TTBK2: variants seen among roughly 807,000 people sequenced by gnomAD.
The protein encoded by TTBK2 is tau tubulin kinase 2, also known as tau-tubulin kinase 2.
A neutral mutation model predicts 110.8 loss-of-function variants in TTBK2; 28 were observed. The ratio of observed to expected loss-of-function variants is 0.25; its 90% CI spans 0.19 to 0.35. The LOEUF (loss-of-function observed/expected upper bound fraction) is 0.35, where lower values mean the gene tolerates loss of function less well. Ranked by LOEUF, TTBK2 falls within the 10% of genes least tolerant of loss-of-function variation. TTBK2 has a pLI of 1.00. For missense variants in TTBK2, 1,369 were observed against 1,500.3 expected (o/e 0.91, Z 1.45); for synonymous variants, 532 against 527.3 (o/e 1.01, Z -0.12).
intron 9 of TTBK2, among the ~76,000 whole-genome samples, chr15:42,799,440 T>C (rs531860177): frequency 2.3e-4 from 35 of 151,806 alleles, no homozygotes; most frequent in Admixed American, 6.6e-4. Context: ...TTTTGTTTGT[T>C]TGTTTGTTTT....
chr15:42,810,712 A>C lies in TTBK2; in HGVS notation c.724T>G (p.Tyr242Asp), dbSNP rs1441987753. The C allele has an allele frequency of 2.5e-6, 4 of 1,613,868 alleles. No homozygotes were observed. In the African/African-American group the frequency reaches 4.0e-5, roughly 16 times the overall value. The change falls in exon 9 of 15, where the codon TAT becomes GAT. Residue 242 changes from tyrosine (Y) to aspartate (D), a missense_variant. By Grantham distance (160) the Tyr-to-Asp change is radical. Coordinates refer to ENST00000267890, the MANE Select transcript of TTBK2 (RefSeq NM_173500.4). The stretch of plus-strand genomic sequence containing the variant: ...TGTTTCAACATGAGCCTGTGGTCAT[A>C]TCTCTCCTTAATAGAGCCTACTTGC... ...KEQVGSIKER[Y>D]DHRLMLKHLP...
chr15:42,834,784 G>A (rs1424918792), intron 4 of TTBK2, among the ~76,000 whole-genome samples: 2 of 152,092 alleles, frequency 1.3e-5, no homozygotes, highest in African/African-American at 2.4e-5. Flanking sequence ...GGTTGAGGCA[G>A]GAGAATCGCT....
intron 4 of TTBK2, among the ~76,000 whole-genome samples, chr15:42,838,207 A>G (rs1893073713): frequency 1.4e-5 from 2 of 147,182 alleles, no homozygotes; most frequent in African/African-American, 5.2e-5. Flanking sequence ...ACTCTGTCTC[A>G]AAAAATAAAA....
chr15:42,895,874 C>T (rs1217791140), intron 1 of TTBK2, among the ~76,000 whole-genome samples: 1 of 151,976 alleles, frequency 6.6e-6, no homozygotes, highest in Admixed American at 6.6e-5. Context: ...AATCCCAGAA[C>T]ATTTTCACCA....
intron 4 of TTBK2, among the ~76,000 whole-genome samples, chr15:42,837,657 C>CAAAA (rs35898464): frequency 5.0e-5 from 2 of 40,014 alleles, no homozygotes; most frequent in Admixed American, 2.8e-4. Flanking sequence ...GACTCTGTCT[C>CAAAA]AAAAAAAAAA....
chr15:42,854,404 T>C (rs1893848788), intron 3 of TTBK2, among the ~76,000 whole-genome samples: 1 of 152,220 alleles, frequency 6.6e-6, no homozygotes, highest in Non-Finnish European at 1.5e-5. Context: ...TTTAATGTCA[T>C]TGAGAGGTTC....
At chr15:42,831,759 T>C (rs1188016336) in intron 4 of TTBK2, among the ~76,000 whole-genome samples, 2 of 152,132 alleles carry the variant, frequency 1.3e-5, no homozygotes, top group Admixed American at 6.5e-5. Context: ...ACCAGTAATC[T>C]GAAAAGGAGA....
At chr15:42,901,596 A>G (rs1190199586) in intron 1 of TTBK2, among the ~76,000 whole-genome samples, 1 of 151,384 alleles carries the variant, frequency 6.6e-6, no homozygotes, top group African/African-American at 2.4e-5. Flanking sequence ...AGCTGGGCAA[A>G]ATAGCGAGAC....
chr15:42,823,865 T>C (rs2140968907), intron 6 of TTBK2, among the ~76,000 whole-genome samples: 1 of 152,224 alleles, frequency 6.6e-6, no homozygotes, highest in East Asian at 1.9e-4. Flanking sequence ...AAGGAATACC[T>C]GAGGCTGAAA....
intron 2 of TTBK2, among the ~76,000 whole-genome samples, chr15:42,874,758 C>T (rs1032319209): frequency 6.6e-6 from 1 of 151,238 alleles, no homozygotes; most frequent in Admixed American, 6.6e-5. Flanking sequence ...GAGGCCGAGG[C>T]GGGCGGATCA....
intron 3 of TTBK2, among the ~76,000 whole-genome samples, chr15:42,858,484 T>C (rs1189052923): frequency 6.6e-6 from 1 of 152,198 alleles, no homozygotes; most frequent in African/African-American, 2.4e-5. Context: ...GATACATGAA[T>C]GTTCATTATA....
chr15:42,897,457 C>G (rs1369129392), intron 1 of TTBK2, among the ~76,000 whole-genome samples: 1 of 151,966 alleles, frequency 6.6e-6, no homozygotes, highest in African/African-American at 2.4e-5. Flanking sequence ...CCGACAATAG[C>G]TGAAGGAAAT....
At chr15:42,801,438 CT>C in intron 9 of TTBK2, 1 of 885,450 alleles carries the variant, frequency 1.1e-6, no homozygotes. Context: ...GCCCTCTGGC[CT>C]TTGAGACCCT....
At position 42,906,497 on chromosome 15, in the gene TTBK2, CT is replaced by C. The variant is rs146972068; in HGVS notation, c.-68+13940del. 7.1e-3 allele frequency among the ~76,000 whole-genome samples: 1,080 copies of C among 152,192 alleles called. 45 individuals carry two copies. In the South Asian group the frequency reaches 0.1, roughly 15 times the overall value. On this transcript the variant is annotated intron_variant, in intron 1 of 14. Coordinates refer to ENST00000267890, the MANE Select transcript of TTBK2 (RefSeq NM_173500.4). ...AAAGTTATTAGTAATAGAAAAACCC[CT>C]ATCTTTCACCATATACAAAAATCAA...
At chr15:42,808,941 C>T (rs1328715561) in intron 9 of TTBK2, among the ~76,000 whole-genome samples, 2 of 152,164 alleles carry the variant, frequency 1.3e-5, no homozygotes, top group Non-Finnish European at 2.9e-5. Context: ...TAAAATTAAT[C>T]ACAGGGACAG....
chr15:42,888,205 C>T lies in TTBK2; in HGVS notation c.-67-9521G>A, dbSNP rs1480356600. ...AGCTCACTCTCTACAGTTCTCATAACTTCCAAAATCTATTTTCTTCCTCCC... is the reference window on the plus strand; with the variant it reads ...AGCTCACTCTCTACAGTTCTCATAATTTCCAAAATCTATTTTCTTCCTCCC... On this transcript the variant is annotated intron_variant, in intron 1 of 14. Transcript: ENST00000267890. Among the ~76,000 whole-genome samples, 5 of 152,204 alleles carry T rather than the reference C, an allele frequency of 3.3e-5. No individual in the cohort carries two copies. In the East Asian group the frequency reaches 9.6e-4, roughly 29 times the overall value.
chr15:42,820,474 C>T (rs1443907308), intron 6 of TTBK2, among the ~76,000 whole-genome samples: 1 of 152,096 alleles, frequency 6.6e-6, no homozygotes, highest in South Asian at 2.1e-4. Context: ...CAATATTTAT[C>T]AAAATTGTAA....
At chr15:42,903,308 G>A (rs1326934832) in intron 1 of TTBK2, among the ~76,000 whole-genome samples, 1 of 152,126 alleles carries the variant, frequency 6.6e-6, no homozygotes, top group Non-Finnish European at 1.5e-5. Flanking sequence ...CGGGTATGGA[G>A]TTTCCATTTA....
At chr15:42,821,091 C>T (rs562858164) in intron 6 of TTBK2, among the ~76,000 whole-genome samples, 19 of 151,472 alleles carry the variant, frequency 1.3e-4, no homozygotes, top group African/African-American at 4.6e-4. Context: ...ATGGAAAGAT[C>T]GTCTACATAC....
Sources: gnomAD v4.1 joint callset for allele counts (sites outside exome capture counted in the v4.1 genomes callset) on GRCh38, gnomAD v4.1.1 for gene constraint, MANE v1.5 for transcripts, NCBI Gene and HGNC (gene_info 2026-07-23, HGNC 2026-07-21) for gene names.